Variants in SLC1A2 observed in about 807,000 individuals in gnomAD.
The protein encoded by SLC1A2 is excitatory amino acid transporter 2.
A neutral mutation model predicts 48.8 loss-of-function variants in SLC1A2; 15 were observed. The ratio of observed to expected loss-of-function variants is 0.31; its 90% CI spans 0.21 to 0.47. The LOEUF (loss-of-function observed/expected upper bound fraction) is 0.47. Ranked by LOEUF, SLC1A2 falls within the 20% of genes least tolerant of loss-of-function variation. The pLI, the probability that SLC1A2 is intolerant of heterozygous loss-of-function variation, is 0.99. For missense variants in SLC1A2, 502 were observed against 730.5 expected (o/e 0.69, Z 3.61); for synonymous variants, 279 against 272.6 (o/e 1.02, Z -0.23).
intron 10 of SLC1A2, chr11:35,265,040 C>T (rs1950457774): frequency 6.4e-6 from 1 of 155,724 alleles, no homozygotes; most frequent in Non-Finnish European, 1.4e-5. Flanking sequence ...GCTCTGCCTC[C>T]CGGGTTCACG....
At position 35,280,937 on chromosome 11, in the gene SLC1A2, G is replaced by C. The variant is rs1591421831; in HGVS notation, c.1351C>G (p.Leu451Val). Residue 451 changes from leucine to valine, a missense_variant, in exon 9 of 11, where the codon CTC (leucine) becomes GTC (valine). By Grantham distance (32) the Leu-to-Val change is conservative. Transcript: ENST00000278379. The part of the protein sequence containing the change: ...SIPSAGLVTM[L>V]LILTAVGLPT... ...AGGCCCACGGCTGTCAGAATGAGGA[G>C]CATGGTGACCAGCCCGGCACTGGGG... 2 of 1,613,386 alleles carry C rather than the reference G, an allele frequency of 1.2e-6. No homozygotes were observed. Among genetic ancestry groups the C allele is most frequent in the Admixed American group, 3.3e-5 (2 of 59,974 alleles).
chr11:35,338,166 C>T (rs1020059810), intron 1 of SLC1A2, among the ~76,000 whole-genome samples: 2 of 152,030 alleles, frequency 1.3e-5, no homozygotes, highest in Non-Finnish European at 2.9e-5. Context: ...ACAGCGAAGC[C>T]TATTGTTTAC....
chr11:35,304,965 C>A (rs1353938327), intron 5 of SLC1A2, among the ~76,000 whole-genome samples: 1 of 152,214 alleles, frequency 6.6e-6, no homozygotes, highest in Non-Finnish European at 1.5e-5. Flanking sequence ...TTTCAGATGA[C>A]AACGTGAAAG....
intron 1 of SLC1A2, among the ~76,000 whole-genome samples, chr11:35,387,907 C>T (rs1481478450): frequency 6.6e-6 from 1 of 152,194 alleles, no homozygotes; most frequent in East Asian, 1.9e-4. Flanking sequence ...TATATAAAAG[C>T]ATTTTTCACA....
intron 1 of SLC1A2, among the ~76,000 whole-genome samples, chr11:35,372,920 G>A (rs1268448078): frequency 3.3e-5 from 5 of 152,194 alleles, no homozygotes; most frequent in Admixed American, 2.0e-4. Context: ...TTTTACAGGT[G>A]GGGAAACTGA....
intron 1 of SLC1A2, among the ~76,000 whole-genome samples, chr11:35,386,178 T>TAAATA (rs1023917701): frequency 1.7e-4 from 26 of 152,066 alleles, no homozygotes; most frequent in Admixed American, 5.9e-4. Flanking sequence ...AAAAATAAAA[T>TAAATA]AAATAAAATA....
chr11:35,339,356 C>A (rs1217651705), intron 1 of SLC1A2, among the ~76,000 whole-genome samples: 2 of 152,156 alleles, frequency 1.3e-5, no homozygotes, highest in Non-Finnish European at 2.9e-5. Context: ...AAAATCAAAC[C>A]TAACTGGAAC....
At position 35,256,650 on chromosome 11, in the gene SLC1A2, C is replaced by T. The variant is rs916085134; in HGVS notation, c.*4244G>A. On this transcript the variant is annotated 3_prime_UTR_variant, in exon 11 of 11. Coordinates refer to ENST00000278379, the MANE Select transcript of SLC1A2 (RefSeq NM_004171.4). ...CTTAGTCTTCTTCTGCCTCCAGACT[C>T]TAGCATTCTTATTCAAGGAGCAAGT... The T allele has an allele frequency of 6.6e-6, 1 of 152,096 alleles. No individual in the cohort carries two copies. Among genetic ancestry groups the T allele is most frequent in the Admixed American group, 6.6e-5 (1 of 15,262 alleles). 9.4% of individuals were successfully genotyped at this position (152,096 alleles called of 1,614,324 possible).
chr11:35,319,166 G>A (rs1591468673), intron 1 of SLC1A2, among the ~76,000 whole-genome samples: 1 of 152,190 alleles, frequency 6.6e-6, no homozygotes, highest in East Asian at 1.9e-4. Flanking sequence ...CACAGCAGTT[G>A]GGTGAGGGCC....
At chr11:35,310,718 C>T (rs1015976186) in intron 4 of SLC1A2, among the ~76,000 whole-genome samples, 6 of 152,042 alleles carry the variant, frequency 3.9e-5, no homozygotes, top group East Asian at 1.9e-4. Context: ...TAATGGAAAC[C>T]GGGGTGTGCG....
chr11:35,398,201 T>C (rs953254331), intron 1 of SLC1A2, among the ~76,000 whole-genome samples: 5 of 152,164 alleles, frequency 3.3e-5, no homozygotes, highest in Non-Finnish European at 7.3e-5. Context: ...TCACATGCAC[T>C]GGCCCCTCTC....
chr11:35,406,743 AG>A, intron 1 of SLC1A2, among the ~76,000 whole-genome samples: 1 of 152,238 alleles, frequency 6.6e-6, no homozygotes, highest in South Asian at 2.1e-4. Context: ...ATGAGTTTGT[AG>A]GGAAAAAAAA....
chr11:35,283,300 A>G (rs899261034), intron 8 of SLC1A2, among the ~76,000 whole-genome samples: 2 of 152,212 alleles, frequency 1.3e-5, no homozygotes, highest in East Asian at 3.8e-4. Context: ...AAAGGAGAGA[A>G]ATGAAAATTT....
At chr11:35,402,092 T>C (rs1371820983) in intron 1 of SLC1A2, among the ~76,000 whole-genome samples, 1 of 152,152 alleles carries the variant, frequency 6.6e-6, no homozygotes, top group Non-Finnish European at 1.5e-5. Flanking sequence ...TGTGATACAA[T>C]AAAAAATAAA....
intron 1 of SLC1A2, among the ~76,000 whole-genome samples, chr11:35,398,769 C>G (rs1036539054): frequency 6.6e-6 from 1 of 152,168 alleles, no homozygotes; most frequent in Non-Finnish European, 1.5e-5. Flanking sequence ...GATACAAAGC[C>G]TACAGCAACA....
At chr11:35,312,850 G>T in intron 3 of SLC1A2, among the ~76,000 whole-genome samples, 1 of 152,030 alleles carries the variant, frequency 6.6e-6, no homozygotes, top group South Asian at 2.1e-4. Context: ...GCACATGTGG[G>T]ACTCACAGAT....
intron 3 of SLC1A2, among the ~76,000 whole-genome samples, chr11:35,313,083 A>T (rs1361447109): frequency 1.3e-5 from 2 of 151,726 alleles, no homozygotes; most frequent in African/African-American, 4.8e-5. Context: ...TCCACTTTTT[A>T]TTTTTTTTGG....
rs1211570552 is a variant in SLC1A2 at position 35,265,638 on chromosome 11, A to C, written c.1542T>G (p.Ile514Met). The C allele has an allele frequency of 6.2e-7, 1 of 1,612,920 alleles. No individual in the cohort carries two copies. Among genetic ancestry groups the C allele is most frequent in the African/African-American group, 1.3e-5 (1 of 74,990 alleles). ...AAATGGATTGAGTCTTGGTCATTTC[A>C]ATATCTTCATGCACTCGATGCTGGG... The part of the protein sequence containing the change: ...IDSQHRVHED[I>M]EMTKTQSIYD... The change falls in exon 10 of 11, where the codon ATT (isoleucine) becomes ATG (methionine). Residue 514 changes from isoleucine to methionine, a missense_variant. Ile to Met is a conservative substitution (Grantham distance 10). Coordinates refer to ENST00000278379, the MANE Select transcript of SLC1A2 (RefSeq NM_004171.4).
At chr11:35,351,433 A>G (rs1452962845) in intron 1 of SLC1A2, among the ~76,000 whole-genome samples, 1 of 152,302 alleles carries the variant, frequency 6.6e-6, no homozygotes, top group Non-Finnish European at 1.5e-5. Context: ...TCCTACTGAC[A>G]TGGACGTGTG....
Sources: gnomAD v4.1 joint callset for allele counts (sites outside exome capture counted in the v4.1 genomes callset) on GRCh38, gnomAD v4.1.1 for gene constraint, MANE v1.5 for transcripts, NCBI Gene and HGNC (gene_info 2026-07-23, HGNC 2026-07-21) for gene names.